TNIK: variants seen among roughly 807,000 people sequenced by gnomAD.
The protein encoded by TNIK is TRAF2 and NCK-interacting protein kinase.
In TNIK, 49 loss-of-function variants were observed where a neutral mutation model predicts 191.3. That is an observed-to-expected ratio of 0.26 (90% CI 0.20 to 0.32). The LOEUF (loss-of-function observed/expected upper bound fraction) is 0.32. Among genes scored for constraint, TNIK ranks in the 10% least tolerant of loss-of-function variants. The probability of loss-of-function intolerance (pLI) is 1.00; values close to 1 mark genes in which losing one functional copy is unlikely to be tolerated. For missense variants in TNIK, 1,155 were observed against 1,702.3 expected (o/e 0.68, Z 5.66); for synonymous variants, 594 against 600.9 (o/e 0.99, Z 0.17).
chr3:171,110,676 A>C (rs1188187682), intron 19 of TNIK, 38 bp downstream of exon 19: 1 of 1,541,186 alleles, frequency 6.5e-7, no homozygotes, highest in Non-Finnish European at 8.8e-7. Context: ...CTTTCCTCCC[A>C]GGCAGTATTG....
intron 2 of TNIK, among the ~76,000 whole-genome samples, chr3:171,312,905 T>C (rs1395892658): frequency 6.6e-6 from 1 of 152,132 alleles, no homozygotes. Flanking sequence ...TTACTGATGC[T>C]TAAAGATGAA....
In TNIK at chr3:171,071,265, A is replaced by G; in HGVS notation, c.3507T>C (p.Tyr1169=). The G allele has an allele frequency of 5.0e-6, 8 of 1,607,138 alleles. No homozygotes were observed. The highest frequency in any genetic ancestry group is 2.7e-5 in the African/African-American group (2 of 74,974). The change falls in exon 29 of 33, where the codon TAT becomes TAC. Residue 1169 remains tyrosine (Y), a synonymous_variant. Transcript: ENST00000436636. ...TATGATACGGTTTAGGAGCCCAAGC[A>G]TATATTTCCACAGCATTCTTTAAGG... is the stretch of plus-strand genomic sequence containing the variant. ...VIALKNAVEI[Y]AWAPKPYHKF... is the part of the protein sequence containing the mutation.
At chr3:171,347,262 C>T in intron 2 of TNIK, 1 of 1,519,186 alleles carries the variant, frequency 6.6e-7, no homozygotes, top group Non-Finnish European at 8.8e-7. Context: ...AAAACCCTAG[C>T]TCAGGCACCA....
At position 171,082,237 on chromosome 3, in the gene TNIK, T is replaced by C. The variant is rs771390316; in HGVS notation, c.3313+14A>G. ...CTGTATGGACCTGGGGGACTCATCA[T>C]CTTAGTAACATACCTGAAATTGTCA... On this transcript the variant is annotated intron_variant, in intron 27 of 32. Coordinates refer to ENST00000436636, the MANE Select transcript of TNIK (RefSeq NM_015028.4). 1 of 1,610,674 alleles carries C rather than the reference T, an allele frequency of 6.2e-7. No homozygotes were observed. The highest frequency in any genetic ancestry group is 8.5e-7 in the Non-Finnish European group (1 of 1,178,358).
At chr3:171,244,823 ATATT>A (rs924026262) in intron 2 of TNIK, among the ~76,000 whole-genome samples, 53 of 149,932 alleles carry the variant, frequency 3.5e-4, no homozygotes, top group East Asian at 1.9e-4. Flanking sequence ...TAAATATTAT[ATATT>A]TATTATTAAA....
At chr3:171,360,850 C>G (rs1447336255) in intron 2 of TNIK, among the ~76,000 whole-genome samples, 1 of 152,238 alleles carries the variant, frequency 6.6e-6, no homozygotes, top group Admixed American at 6.5e-5. Context: ...TCTGTATACT[C>G]TTGCTGTGGT....
chr3:171,282,341 G>GTTTTTGTTT (rs1349654318), intron 2 of TNIK, among the ~76,000 whole-genome samples: 3 of 79,950 alleles, frequency 3.8e-5, no homozygotes, highest in African/African-American at 1.3e-4. Flanking sequence ...ATGGTTTTTT[G>GTTTTTGTTT]TTTTTTTTTT....
At chr3:171,283,836 T>C (rs1010305837) in intron 2 of TNIK, among the ~76,000 whole-genome samples, 4 of 152,094 alleles carry the variant, frequency 2.6e-5, no homozygotes, top group African/African-American at 7.2e-5. Context: ...AGCAGAACAA[T>C]CTCCTCAGAA....
rs1165556553 is a variant in TNIK at position 171,365,984 on chromosome 3, C to T, written c.123+3636G>A. 2.6e-5 allele frequency among the ~76,000 whole-genome samples: 4 copies of T among 152,240 alleles called. No homozygotes were observed. In the East Asian group the frequency reaches 5.8e-4, roughly 22 times the overall value. On this transcript the variant is annotated intron_variant, in intron 2 of 32. Coordinates refer to ENST00000436636, the MANE Select transcript of TNIK (RefSeq NM_015028.4). ...AGGAAAAACCAACATTTATTTAAAA[C>T]CTGTGGCTAATTTGTAGTGGTATCT...
At chr3:171,350,965 T>A (rs1292420351) in intron 2 of TNIK, among the ~76,000 whole-genome samples, 1 of 152,090 alleles carries the variant, frequency 6.6e-6, no homozygotes, top group African/African-American at 2.4e-5. Context: ...ATATTCTTTT[T>A]TCTTAACCTC....
At chr3:171,230,092 A>C (rs1743434907) in intron 2 of TNIK, among the ~76,000 whole-genome samples, 1 of 152,192 alleles carries the variant, frequency 6.6e-6, no homozygotes, top group Admixed American at 6.5e-5. Flanking sequence ...GCATTTAGAA[A>C]TTTAGTTTCC....
chr3:171,145,840 A>G (rs1465401252), intron 12 of TNIK, among the ~76,000 whole-genome samples: 1 of 150,386 alleles, frequency 6.6e-6, no homozygotes, highest in Non-Finnish European at 1.5e-5. Context: ...GCAGAAAAGT[A>G]CGCACCTACA....
intron 1 of TNIK, among the ~76,000 whole-genome samples, chr3:171,428,591 C>T (rs1352017791): frequency 6.6e-6 from 1 of 152,154 alleles, no homozygotes; most frequent in Non-Finnish European, 1.5e-5. Flanking sequence ...CCAGGGTCTT[C>T]ACTTTCTCAA....
chr3:171,187,922 A>G (rs1011607035), intron 7 of TNIK, among the ~76,000 whole-genome samples: 1 of 152,164 alleles, frequency 6.6e-6, no homozygotes, highest in African/African-American at 2.4e-5. Context: ...CTGGAAACCC[A>G]CACACAGTTC....
At chr3:171,090,108 T>C (rs1721868395) in intron 23 of TNIK, among the ~76,000 whole-genome samples, 2 of 151,984 alleles carry the variant, frequency 1.3e-5, no homozygotes, top group Non-Finnish European at 2.9e-5. Context: ...TATCTTGCAA[T>C]GGAGGAAGTG....
chr3:171,330,539 G>C (rs1322361593), intron 2 of TNIK, among the ~76,000 whole-genome samples: 1 of 152,170 alleles, frequency 6.6e-6, no homozygotes, highest in Non-Finnish European at 1.5e-5. Context: ...GAAAGCAGCA[G>C]AATACTAATA....
At chr3:171,266,550 C>T (rs1240289404) in intron 2 of TNIK, among the ~76,000 whole-genome samples, 2 of 152,190 alleles carry the variant, frequency 1.3e-5, no homozygotes, top group African/African-American at 4.8e-5. Flanking sequence ...GAAACGCCTA[C>T]TTAGGGTCTT....
intron 2 of TNIK, among the ~76,000 whole-genome samples, chr3:171,318,296 G>T (rs1486724412): frequency 6.6e-6 from 1 of 152,042 alleles, no homozygotes; most frequent in East Asian, 1.9e-4. Context: ...TCAAAACACA[G>T]GCGTAACATA....
In TNIK at chr3:171,086,757, T is replaced by C. The variant is rs144009015; in HGVS notation, c.2886+585A>G. Among the ~76,000 whole-genome samples the C allele has an allele frequency of 3.5e-3, 530 of 152,346 alleles. 2 individuals are homozygous for C. The highest frequency in any genetic ancestry group is 0.012 in the African/African-American group (506 of 41,584). On this transcript the variant is annotated intron_variant, in intron 24 of 32. Coordinates refer to ENST00000436636, the MANE Select transcript of TNIK (RefSeq NM_015028.4). Reference sequence around the variant, plus strand: ...AACTGGTGTCAGTCATCAGCGTCTATGGGCACTACCTACAGATTGTGTTTA... The same window carrying C: ...AACTGGTGTCAGTCATCAGCGTCTACGGGCACTACCTACAGATTGTGTTTA...
Sources: allele counts gnomAD v4.1 joint callset (sites outside exome capture counted in the v4.1 genomes callset), GRCh38; gene constraint gnomAD v4.1.1; transcripts MANE v1.5; gene names NCBI Gene and HGNC (gene_info 2026-07-23, HGNC 2026-07-21).